Variants in GRM1 observed in about 807,000 individuals in gnomAD.
The protein encoded by GRM1 is glutamate metabotropic receptor 1, also known as metabotropic glutamate receptor 1.
GRM1 carries 33 observed loss-of-function variants against 90.9 expected under a neutral mutation model. The ratio of observed to expected loss-of-function variants is 0.36; its 90% CI spans 0.28 to 0.49. GRM1 has a LOEUF of 0.49. GRM1 is among the 20% of genes least tolerant of loss of function. The probability of loss-of-function intolerance (pLI) is 0.99; values close to 1 mark genes in which losing one functional copy is unlikely to be tolerated. For missense variants in GRM1, 1,190 were observed against 1,534.3 expected (o/e 0.78, Z 3.75); for synonymous variants, 700 against 613.2 (o/e 1.14, Z -2.09).
chr6:146,369,551 T>A (rs932201601), intron 5 of GRM1, among the ~76,000 whole-genome samples: 1 of 151,978 alleles, frequency 6.6e-6, no homozygotes, highest in Non-Finnish European at 1.5e-5. Flanking sequence ...ATTTTTAAAT[T>A]TTCTTCTTAA....
At chr6:146,174,663 GT>G (rs1778267189) in intron 2 of GRM1, among the ~76,000 whole-genome samples, 1 of 152,170 alleles carries the variant, frequency 6.6e-6, no homozygotes, top group African/African-American at 2.4e-5. Context: ...CATTAACTAT[GT>G]TTTGGGTTAT....
chr6:146,170,424 T>A (rs2128894292), intron 2 of GRM1, among the ~76,000 whole-genome samples: 1 of 152,286 alleles, frequency 6.6e-6, no homozygotes, highest in East Asian at 1.9e-4. Flanking sequence ...CTTAAAGGTA[T>A]CTCACATTTC....
At chr6:146,432,819 C>A (rs1484284267) in intron 7 of GRM1, among the ~76,000 whole-genome samples, 1 of 152,144 alleles carries the variant, frequency 6.6e-6, no homozygotes, top group Non-Finnish European at 1.5e-5. Context: ...TTACAATAGA[C>A]AGAACAGAAT....
At chr6:146,383,400 ATAATTCATGATGG>A (rs1562655496) in intron 5 of GRM1, among the ~76,000 whole-genome samples, 1 of 152,184 alleles carries the variant, frequency 6.6e-6, no homozygotes, top group Non-Finnish European at 1.5e-5. Flanking sequence ...GTGACATACA[ATAATTCATGATGG>A]CTCTTACTGT....
At chr6:146,055,856 G>A (rs561312898) in intron 1 of GRM1, among the ~76,000 whole-genome samples, 1 of 152,220 alleles carries the variant, frequency 6.6e-6, no homozygotes, top group African/African-American at 2.4e-5. Context: ...ACTTTATTTA[G>A]TGAATTTTAA....
chr6:146,307,025 C>A (rs1302346322), intron 3 of GRM1, among the ~76,000 whole-genome samples: 1 of 152,118 alleles, frequency 6.6e-6, no homozygotes, highest in East Asian at 1.9e-4. Context: ...ATGCTTAGAT[C>A]ATTTATATAA....
chr6:146,375,312 T>C (rs1776054968), intron 5 of GRM1, among the ~76,000 whole-genome samples: 1 of 152,078 alleles, frequency 6.6e-6, no homozygotes, highest in Admixed American at 6.6e-5. Context: ...TCCTTGATAA[T>C]GACTCATTAT....
chr6:146,147,102 C>T lies in GRM1; in HGVS notation c.701-12246C>T, dbSNP rs534134419. On this transcript the variant is annotated intron_variant, in intron 1 of 7. Transcript: ENST00000282753. ...AATCTCATTGCCTGGAACTGGGTCA[C>T]TTTGCTTCTCTAGCTACAAGGGCAT... Among the ~76,000 whole-genome samples the T allele has an allele frequency of 3.0e-4, 45 of 152,336 alleles. 1 individual carries two copies. The South Asian group carries it at 9.3e-3, about 32-fold the overall frequency.
At chr6:146,176,684 A>C (rs573429639) in intron 2 of GRM1, among the ~76,000 whole-genome samples, 17 of 152,238 alleles carry the variant, frequency 1.1e-4, no homozygotes, top group Admixed American at 2.6e-4. Context: ...TTTTCTAAGC[A>C]ACAATGAAGT....
intron 2 of GRM1, among the ~76,000 whole-genome samples, chr6:146,237,032 C>T (rs1024733150): frequency 2.0e-5 from 3 of 152,106 alleles, no homozygotes; most frequent in Non-Finnish European, 4.4e-5. Context: ...TGGCTTGAAC[C>T]GCACTGGGTG....
At chr6:146,396,107 C>CTATCTATCTATCGTCTA (rs1776924135) in intron 6 of GRM1, among the ~76,000 whole-genome samples, 22 of 34,652 alleles carry the variant, frequency 6.3e-4, no homozygotes, top group Admixed American at 9.4e-4. Context: ...TATCTATCGT[C>CTATCTATCTATCGTCTA]TATATATATA....
chr6:146,051,185 C>G (rs1562430220), intron 1 of GRM1, among the ~76,000 whole-genome samples: 1 of 152,144 alleles, frequency 6.6e-6, no homozygotes, highest in East Asian at 1.9e-4. Flanking sequence ...AAACCTACTC[C>G]TCAAATCTGC....
intron 1 of GRM1, among the ~76,000 whole-genome samples, chr6:146,144,335 T>C (rs949434886): frequency 3.9e-5 from 6 of 152,168 alleles, no homozygotes; most frequent in African/African-American, 9.7e-5. Flanking sequence ...TACAGCTACA[T>C]TGGATTTTAA....
intron 1 of GRM1, among the ~76,000 whole-genome samples, chr6:146,072,865 C>G (rs1776059234): frequency 6.6e-6 from 1 of 152,084 alleles, no homozygotes; most frequent in African/African-American, 2.4e-5. Flanking sequence ...ATGCGCTGTG[C>G]TATATGCTAG....
chr6:146,076,814 C>G (rs1776202483), intron 1 of GRM1, among the ~76,000 whole-genome samples: 1 of 152,150 alleles, frequency 6.6e-6, no homozygotes, highest in South Asian at 2.1e-4. Context: ...TCTTCAGGAC[C>G]AGTGACTCTC....
chr6:146,189,391 C>A (rs1778854357), intron 2 of GRM1, among the ~76,000 whole-genome samples: 1 of 152,160 alleles, frequency 6.6e-6, no homozygotes, highest in South Asian at 2.1e-4. Flanking sequence ...TCTATAAATT[C>A]TGTAGCAATT....
intron 3 of GRM1, among the ~76,000 whole-genome samples, chr6:146,347,904 G>A (rs543886108): frequency 2.6e-5 from 4 of 152,294 alleles, no homozygotes; most frequent in South Asian, 2.1e-4. Flanking sequence ...TCAGGTAGCC[G>A]TTTATAGCCC....
At chr6:146,245,884 C>G (rs901999029) in intron 2 of GRM1, among the ~76,000 whole-genome samples, 3 of 152,136 alleles carry the variant, frequency 2.0e-5, no homozygotes, top group Non-Finnish European at 4.4e-5. Context: ...TTTCTCTTAG[C>G]AATACAATAA....
Position 146,386,916 on chromosome 6 carries a change from C to T in GRM1, c.1629C>T (p.Cys543=). ...IKVIRKGEVS[C]CWICTACKEN... The stretch of plus-strand genomic sequence containing the variant: ...TTATACGGAAAGGAGAAGTGAGCTG[C>T]TGCTGGATTTGCACGGCCTGCAAAG... Residue 543 remains cysteine, a synonymous_variant, in exon 6 of 8, where the codon TGC becomes TGT. Coordinates refer to ENST00000282753, the MANE Select transcript of GRM1 (RefSeq NM_001278064.2). 1 of 1,610,254 alleles carries T rather than the reference C, an allele frequency of 6.2e-7. No homozygotes were observed.
Sources: allele counts gnomAD v4.1 joint callset (sites outside exome capture counted in the v4.1 genomes callset), GRCh38; gene constraint gnomAD v4.1.1; transcripts MANE v1.5; gene names NCBI Gene and HGNC (gene_info 2026-07-23, HGNC 2026-07-21).